Variants in MARCHF2 observed in about 807,000 individuals in gnomAD.
The protein encoded by MARCHF2 is membrane associated ring-CH-type finger 2.
In MARCHF2, 22 loss-of-function variants were observed where a neutral mutation model predicts 24.0. The ratio of observed to expected loss-of-function variants is 0.92; its 90% CI spans 0.66 to 1.31. MARCHF2 has a LOEUF of 1.31. Ranked by LOEUF, MARCHF2 falls within the 50% of genes most tolerant of loss-of-function variation. MARCHF2 has a pLI of 0.00. For synonymous variants in MARCHF2, 154 were observed against 153.0 expected, an observed-to-expected ratio of 1.01 and a Z score of -0.05; for missense variants, 301 against 335.3, an observed-to-expected ratio of 0.90 and a Z score of 0.80.
intron 3 of MARCHF2, among the ~76,000 whole-genome samples, chr19:8,429,077 C>G (rs1967502861): frequency 6.6e-6 from 1 of 152,070 alleles, no homozygotes; most frequent in African/African-American, 2.4e-5. Flanking sequence ...CCACACAGCC[C>G]CCTCCCCACA....
At chr19:8,424,354 G>A (rs998062398) in intron 2 of MARCHF2, among the ~76,000 whole-genome samples, 6 of 151,930 alleles carry the variant, frequency 3.9e-5, no homozygotes, top group Admixed American at 1.3e-4. Context: ...CCAGGGGCCC[G>A]CAAAGATGTC....
rs775968699 is a variant in MARCHF2 at position 8,430,669 on chromosome 19, C to T, written c.384C>T (p.Asp128=). ...RPRPLTEWLK[D]PGPRTEKRTL... is the part of the protein sequence containing the mutation. ...CCTCTCCCCTGCAGTGGCTGAAGGA[C>T]CCGGGGCCGCGGACGGAGAAGCGGA... The change falls in exon 4 of 5, where the codon GAC becomes GAT. Residue 128 remains aspartate (D), a synonymous_variant. Coordinates refer to ENST00000215555, the MANE Select transcript of MARCHF2 (RefSeq NM_001005415.2). The surrounding 1 kb of genome is among the most constrained non-coding windows in gnomAD (Gnocchi z 4.4). 3 of 1,608,216 alleles carry T rather than the reference C, an allele frequency of 1.9e-6. No homozygotes were observed. The highest frequency in any genetic ancestry group is 2.2e-5 in the East Asian group (1 of 44,904).
chr19:8,436,421 C>T (rs185613842), intron 4 of MARCHF2, among the ~76,000 whole-genome samples: 1 of 152,238 alleles, frequency 6.6e-6, no homozygotes, highest in Non-Finnish European at 1.5e-5. Flanking sequence ...GTGTGAGCCA[C>T]TGCACCCAGC....
intron 4 of MARCHF2, among the ~76,000 whole-genome samples, chr19:8,436,745 C>A (rs994367455): frequency 9.8e-5 from 13 of 132,998 alleles, no homozygotes; most frequent in African/African-American, 3.8e-4. Context: ...TGAAGTGGAG[C>A]GATCTCGGCT....
chr19:8,419,185 A>AC (rs1457874858), intron 1 of MARCHF2, among the ~76,000 whole-genome samples: 1 of 151,774 alleles, frequency 6.6e-6, no homozygotes, highest in Non-Finnish European at 1.5e-5. Flanking sequence ...ACATGGTGAA[A>AC]CCCCATCTCT....
Position 8,421,972 on chromosome 19 carries a change from T to C in MARCHF2, c.132T>C (p.Asp44=). 1 of 1,613,352 alleles carries C rather than the reference T, an allele frequency of 6.2e-7. No individual in the cohort carries two copies. Among genetic ancestry groups the C allele is most frequent in the Non-Finnish European group, 8.5e-7 (1 of 1,179,762 alleles). ...PQYVAQVTSR[D]GRLLSTVIRA... is the part of the protein sequence containing the mutation. ...ATGTGGCACAGGTGACTTCAAGGGA[T>C]GGCCGGCTCCTCTCCACCGTCATCC... The change falls in exon 2 of 5, where the codon GAT becomes GAC. Residue 44 remains aspartate, a synonymous_variant. Transcript: ENST00000215555.
chr19:8,415,417 CAAAAG>C (rs1396911222), intron 1 of MARCHF2, among the ~76,000 whole-genome samples: 4 of 147,164 alleles, frequency 2.7e-5, no homozygotes, highest in South Asian at 2.2e-4. Flanking sequence ...AAAAAACAGA[CAAAAG>C]AAAGAAAAGA....
intron 1 of MARCHF2, among the ~76,000 whole-genome samples, chr19:8,418,254 C>T (rs937540487): frequency 1.3e-5 from 2 of 152,182 alleles, no homozygotes; most frequent in African/African-American, 4.8e-5. Flanking sequence ...GGCCCGGCCA[C>T]TGCCCTGTGG....
intron 4 of MARCHF2, among the ~76,000 whole-genome samples, chr19:8,434,140 A>G (rs1358437809): frequency 1.4e-5 from 2 of 138,388 alleles, no homozygotes; most frequent in African/African-American, 2.7e-5. Flanking sequence ...GCTAGAGTGC[A>G]GTGGCACAAT....
At chr19:8,418,822 C>T (rs1385781946) in intron 1 of MARCHF2, 1 of 151,846 alleles carries the variant, frequency 6.6e-6, no homozygotes, top group Non-Finnish European at 1.5e-5. Context: ...GAACAACTTC[C>T]CCTGGCCCAG....
intron 2 of MARCHF2, among the ~76,000 whole-genome samples, chr19:8,423,930 A>G (rs1413050505): frequency 6.9e-6 from 1 of 144,826 alleles, no homozygotes; most frequent in African/African-American, 2.6e-5. Flanking sequence ...CGAGCTAGGG[A>G]GTCCGAGGCT....
chr19:8,426,627 G>T lies in MARCHF2; in HGVS notation c.195G>T (p.Arg65=), dbSNP rs1372585193. Residue 65 remains arginine (R), a synonymous_variant, in exon 3 of 5, where the codon CGG becomes CGT. Transcript: ENST00000215555. ...LDTPSDGPFC[R]ICHEGANGEC... ...TGTCCAGTGATGGTCCTTTCTGCCG[G>T]ATCTGCCATGAGGGAGCGAACGGGG... 5 of 1,613,838 alleles carry T rather than the reference G, an allele frequency of 3.1e-6. No homozygotes were observed. The East Asian group carries it at 6.7e-5, about 22-fold the overall frequency.
chr19:8,431,839 A>G (rs1343755168), intron 4 of MARCHF2, among the ~76,000 whole-genome samples: 1 of 151,886 alleles, frequency 6.6e-6, no homozygotes, highest in Non-Finnish European at 1.5e-5. Flanking sequence ...ACTCTGTCTC[A>G]ATAAAAATAA....
chr19:8,429,406 C>T (rs1568239731), intron 3 of MARCHF2, among the ~76,000 whole-genome samples: 2 of 150,846 alleles, frequency 1.3e-5, no homozygotes, highest in Admixed American at 6.6e-5. Flanking sequence ...TCACTTGAGG[C>T]CAGGAGTTCA....
At chr19:8,433,416 C>A (rs765995604) in intron 4 of MARCHF2, among the ~76,000 whole-genome samples, 2 of 151,532 alleles carry the variant, frequency 1.3e-5, no homozygotes, top group Non-Finnish European at 2.9e-5. Flanking sequence ...CGGTGGCTCA[C>A]GCCTGTAATT....
chr19:8,435,324 A>G lies in MARCHF2; in HGVS notation c.583-3064A>G, dbSNP rs568235159. Among the ~76,000 whole-genome samples, 23 of 151,540 alleles carry G rather than the reference A, an allele frequency of 1.5e-4. No homozygotes were observed. The South Asian group carries it at 3.5e-3, about 23-fold the overall frequency. On this transcript the variant is annotated intron_variant, in intron 4 of 4. Transcript: ENST00000215555. ...TGAGCCACCACACTAGGCCATTTTT[A>G]AATTTTTTTATAGACTAATTTTTAG... is the stretch of plus-strand genomic sequence containing the variant.
At chr19:8,418,025 A>G in intron 1 of MARCHF2, among the ~76,000 whole-genome samples, 1 of 151,330 alleles carries the variant, frequency 6.6e-6, no homozygotes, top group Non-Finnish European at 1.5e-5. Context: ...CGGCCTCCCA[A>G]AGTGCTGGGA....
rs1967568598 is a variant in MARCHF2 at position 8,430,999 on chromosome 19, G to C, written c.582+132G>C. 1 of 861,828 alleles carries C rather than the reference G, an allele frequency of 1.2e-6. No individual in the cohort carries two copies. The allele number at this position is 861,828 out of a possible 1,614,324, so 53.4% of individuals were successfully genotyped here. On this transcript the variant is annotated intron_variant, in intron 4 of 4. Transcript: ENST00000215555. The surrounding 1 kb of genome is among the most constrained non-coding windows in gnomAD (Gnocchi z 4.4). ...TCTGTCTATGGCCGTGGGTGGAAGA[G>C]AGCTTCTGAGGTCACCCTGCCTCTC... is the stretch of plus-strand genomic sequence containing the variant.
At chr19:8,415,592 G>A (rs1158231553) in intron 1 of MARCHF2, among the ~76,000 whole-genome samples, 2 of 150,700 alleles carry the variant, frequency 1.3e-5, no homozygotes, top group Non-Finnish European at 3.0e-5. Flanking sequence ...TGGGTGGAGG[G>A]CACCGGTAAT....
Sources: gnomAD v4.1 joint callset for allele counts (sites outside exome capture counted in the v4.1 genomes callset) on GRCh38, gnomAD v4.1.1 for gene constraint, Gnocchi (gnomAD v3.1) non-coding constraint, MANE v1.5 for transcripts, NCBI Gene and HGNC (gene_info 2026-07-23, HGNC 2026-07-21) for gene names.